The following RBMS1 variants were observed in gnomAD, a reference collection of about 807,000 sequenced individuals.
RBMS1 encodes the protein RNA-binding motif, single-stranded-interacting protein 1.
In RBMS1, 17 loss-of-function variants were observed where a neutral mutation model predicts 62.3. The observed-to-expected ratio is 0.27, with a 90% CI of 0.19 to 0.41. The LOEUF is 0.41. RBMS1 is among the 10% of genes least tolerant of loss of function. RBMS1 has a pLI of 1.00. For missense variants in RBMS1, 334 were observed against 504.5 expected (o/e 0.66, Z 3.24); for synonymous variants, 172 against 170.0 (o/e 1.01, Z -0.09).
chr2:160,274,789 A>T (rs1217263862), intron 13 of RBMS1, 25 bp from the exon 14 acceptor site: 3 of 152,576 alleles, frequency 2.0e-5, no homozygotes, highest in Admixed American at 2.0e-4. Flanking sequence ...TAAAAGACAA[A>T]TGCTTTTGTA....
chr2:160,361,271 G>A (rs1024499099), intron 2 of RBMS1, among the ~76,000 whole-genome samples: 2 of 152,142 alleles, frequency 1.3e-5, no homozygotes, highest in Admixed American at 6.5e-5. Flanking sequence ...TAAGATACCC[G>A]GCCTTGGCCA....
At chr2:160,275,492 C>A in intron 13 of RBMS1, 138 bp downstream of exon 13, 1 of 1,359,772 alleles carries the variant, frequency 7.4e-7, no homozygotes, top group South Asian at 2.0e-5. Context: ...AATATTTCAA[C>A]AAGACTAGAT....
intron 6 of RBMS1, among the ~76,000 whole-genome samples, chr2:160,287,480 T>C (rs1574218551): frequency 6.6e-6 from 1 of 152,194 alleles, no homozygotes; most frequent in Admixed American, 6.5e-5. Context: ...TAGCGTCCCA[T>C]TATAATTCCT....
chr2:160,461,265 G>C (rs1406355711), intron 1 of RBMS1, among the ~76,000 whole-genome samples: 2 of 152,090 alleles, frequency 1.3e-5, no homozygotes, highest in Non-Finnish European at 2.9e-5. Context: ...AAGAGAGAGA[G>C]AGAGAGAGGG....
chr2:160,459,845 A>C (rs1214219773), intron 1 of RBMS1, among the ~76,000 whole-genome samples: 1 of 152,210 alleles, frequency 6.6e-6, no homozygotes, highest in Non-Finnish European at 1.5e-5. Context: ...TCAGTTCATC[A>C]ATATTGATTG....
intron 1 of RBMS1, among the ~76,000 whole-genome samples, chr2:160,451,956 A>G (rs1250512594): frequency 1.3e-5 from 2 of 152,068 alleles, no homozygotes; most frequent in Admixed American, 6.6e-5. Context: ...TTTCCATCTA[A>G]GTTTTTTTTC....
In RBMS1 at chr2:160,274,346, A is replaced by G. The variant is rs200182509; in HGVS notation, c.*426T>C. 1 of 105,072 alleles carries G rather than the reference A, an allele frequency of 9.5e-6. No homozygotes were observed. Among genetic ancestry groups the G allele is most frequent in the Non-Finnish European group, 2.3e-5 (1 of 44,250 alleles). The allele number at this position is 105,072 out of a possible 1,614,324, so 6.5% of individuals were successfully genotyped here. On this transcript the variant is annotated 3_prime_UTR_variant, in exon 14 of 14. Transcript: ENST00000348849. ...CAGAAAGCCCATTTCATACAGCTGG[A>G]AAAAAAAAACACAAATTAAACACAA...
rs1693479226 is a variant in RBMS1 at position 160,367,578 on chromosome 2, T to C, written c.76-187A>G. 6.3e-6 allele frequency: 7 copies of C among 1,116,174 alleles called. No individual in the cohort carries two copies. The African/African-American group carries it at 9.4e-5, about 15-fold the overall frequency. 69.1% of individuals were successfully genotyped at this position (1,116,174 alleles called of 1,614,324 possible). A position where few individuals can be genotyped will look rare whatever the true frequency, so the allele number is the denominator to read the frequency against. On this transcript the variant is annotated intron_variant, in intron 1 of 13. Coordinates refer to ENST00000348849, the MANE Select transcript of RBMS1 (RefSeq NM_016836.4). The stretch of plus-strand genomic sequence containing the variant: ...GCCCTCTCCTTCAACATAAAATTGA[T>C]AATAGGGTTTACTAAGTAAAAGTTC...
intron 1 of RBMS1, among the ~76,000 whole-genome samples, chr2:160,477,831 G>A (rs1242932154): frequency 6.6e-6 from 1 of 152,104 alleles, no homozygotes; most frequent in Admixed American, 6.5e-5. Context: ...TAATCCACAT[G>A]ACTTTTAAGG....
chr2:160,423,735 T>C (rs1696526410), intron 1 of RBMS1, among the ~76,000 whole-genome samples: 2 of 152,334 alleles, frequency 1.3e-5, no homozygotes, highest in South Asian at 4.1e-4. Flanking sequence ...GCTCCAATCT[T>C]GGCTCTTCTC....
At chr2:160,301,497 CAA>C (rs1253551362) in intron 5 of RBMS1, among the ~76,000 whole-genome samples, 47 of 152,080 alleles carry the variant, frequency 3.1e-4, no homozygotes, top group Non-Finnish European at 6.3e-4. Context: ...GTGATAGTTT[CAA>C]AAAACAATGT....
At chr2:160,360,969 A>C (rs559134837) in intron 2 of RBMS1, among the ~76,000 whole-genome samples, 13 of 152,350 alleles carry the variant, frequency 8.5e-5, no homozygotes, top group African/African-American at 3.1e-4. Flanking sequence ...ATGAGGAAAC[A>C]GATTACATTT....
intron 1 of RBMS1, among the ~76,000 whole-genome samples, chr2:160,430,930 T>G (rs1682868930): frequency 6.6e-6 from 1 of 151,630 alleles, no homozygotes; most frequent in Non-Finnish European, 1.5e-5. Flanking sequence ...CACCAGGTCC[T>G]TTGCATTTTG....
intron 1 of RBMS1, among the ~76,000 whole-genome samples, chr2:160,412,849 A>G (rs1696085578): frequency 6.6e-6 from 1 of 152,264 alleles, no homozygotes. Flanking sequence ...TGGGGTAATC[A>G]CTGCTGAAAT....
intron 2 of RBMS1, among the ~76,000 whole-genome samples, chr2:160,318,732 G>A (rs920048603): frequency 6.6e-6 from 1 of 152,192 alleles, no homozygotes; most frequent in African/African-American, 2.4e-5. Context: ...CAGAAGGGCA[G>A]GTGTGTGCGC....
At chr2:160,409,064 A>G (rs1039594429) in intron 1 of RBMS1, among the ~76,000 whole-genome samples, 33 of 152,186 alleles carry the variant, frequency 2.2e-4, no homozygotes, top group Non-Finnish European at 3.4e-4. Flanking sequence ...AGTGTCCCCT[A>G]TGGAAATGAA....
At chr2:160,368,636 T>C (rs138742154) in intron 1 of RBMS1, among the ~76,000 whole-genome samples, 14 of 152,280 alleles carry the variant, frequency 9.2e-5, no homozygotes, top group Admixed American at 2.0e-4. Context: ...CTCATTAATT[T>C]ATTTTTATTT....
intron 6 of RBMS1, among the ~76,000 whole-genome samples, chr2:160,288,279 C>G (rs560144157): frequency 6.6e-6 from 1 of 152,128 alleles, no homozygotes. Context: ...TAAATAACCA[C>G]GAAGAGAAAA....
At chr2:160,301,863 A>G (rs1574242526) in intron 5 of RBMS1, among the ~76,000 whole-genome samples, 1 of 152,238 alleles carries the variant, frequency 6.6e-6, no homozygotes, top group African/African-American at 2.4e-5. Context: ...TTGTTGATAT[A>G]TAACAGGTCT....
Sources: allele counts gnomAD v4.1 joint callset (sites outside exome capture counted in the v4.1 genomes callset), GRCh38; gene constraint gnomAD v4.1.1; transcripts MANE v1.5; gene names NCBI Gene and HGNC (gene_info 2026-07-23, HGNC 2026-07-21).